MACC1: variants seen among roughly 807,000 people sequenced by gnomAD.
MACC1 encodes the protein MET transcriptional regulator MACC1, also known as metastasis-associated in colon cancer protein 1.
In MACC1, 79 loss-of-function variants were observed where a neutral mutation model predicts 70.7. The observed-to-expected ratio is 1.12, with a 90% confidence interval of 0.93 to 1.35. The LOEUF (loss-of-function observed/expected upper bound fraction) is 1.35, where lower values mean the gene tolerates loss of function less well. MACC1 is among the 40% of genes most tolerant of loss of function. MACC1 has a pLI of 0.00. For missense variants in MACC1, 1,106 were observed against 978.1 expected, an observed-to-expected ratio of 1.13 and a Z score of -1.74; for synonymous variants, 361 against 347.2, an observed-to-expected ratio of 1.04 and a Z score of -0.44.
intron 1 of MACC1, among the ~76,000 whole-genome samples, chr7:20,213,278 G>A (rs1419308829): frequency 2.6e-5 from 4 of 152,184 alleles, no homozygotes; most frequent in Non-Finnish European, 4.4e-5. Flanking sequence ...AAAAATAACA[G>A]ATGCTGGTGA....
At chr7:20,196,174 T>A (rs1239342400) in intron 1 of MACC1, among the ~76,000 whole-genome samples, 1 of 152,044 alleles carries the variant, frequency 6.6e-6, no homozygotes, top group Non-Finnish European at 1.5e-5. Context: ...ATTTTCAGGT[T>A]TTTTTTAAAT....
At chr7:20,173,511 A>C (rs556877781) in intron 1 of MACC1, among the ~76,000 whole-genome samples, 1 of 152,286 alleles carries the variant, frequency 6.6e-6, no homozygotes, top group East Asian at 1.9e-4. Context: ...TTTGAATTGT[A>C]AGATCTAGAT....
At chr7:20,209,623 C>G (rs1296855167) in intron 1 of MACC1, among the ~76,000 whole-genome samples, 2 of 152,152 alleles carry the variant, frequency 1.3e-5, no homozygotes, top group African/African-American at 2.4e-5. Flanking sequence ...CTTGCCTTGT[C>G]TTAGATGAGA....
In MACC1 at chr7:20,159,245, A is replaced by C; in HGVS notation, c.1116T>G (p.Ile372Met). The C allele has an allele frequency of 6.2e-7, 1 of 1,613,874 alleles. No homozygotes were observed. The highest frequency in any genetic ancestry group is 8.5e-7 in the Non-Finnish European group (1 of 1,179,962). The change falls in exon 5 of 7, where the codon ATT becomes ATG. Residue 372 changes from isoleucine (I) to methionine (M), a missense_variant. Ile to Met is a conservative substitution (Grantham distance 10, BLOSUM62 1). Transcript: ENST00000400331. The stretch of plus-strand genomic sequence containing the variant: ...GGATATATTTGGGTCCATAAATTCC[A>C]ATTGAGGTGGTTTTGTGGATATAAT... Reference protein sequence around the residue: ...IWDYIHKTTSIGIYGPKYIHP... With the variant: ...IWDYIHKTTSMGIYGPKYIHP...
At chr7:20,150,286 G>A (rs768213966) in intron 6 of MACC1, 15 of 152,040 alleles carry the variant, frequency 9.9e-5, no homozygotes, top group South Asian at 2.1e-4. Context: ...CAGAATAAGC[G>A]TTAAGTATAT....
At chr7:20,192,437 G>A (rs1286606239) in intron 1 of MACC1, among the ~76,000 whole-genome samples, 1 of 152,154 alleles carries the variant, frequency 6.6e-6, no homozygotes, top group South Asian at 2.1e-4. Flanking sequence ...AGATCGTCAC[G>A]CTGGAGAGAC....
intron 1 of MACC1, among the ~76,000 whole-genome samples, chr7:20,188,068 A>C (rs1782616084): frequency 6.6e-6 from 1 of 152,174 alleles, no homozygotes; most frequent in Non-Finnish European, 1.5e-5. Flanking sequence ...GCCGAGCAAA[A>C]AGGGGGAAAG....
At chr7:20,195,013 C>G (rs973861549) in intron 1 of MACC1, among the ~76,000 whole-genome samples, 1 of 151,982 alleles carries the variant, frequency 6.6e-6, no homozygotes, top group African/African-American at 2.4e-5. Flanking sequence ...ACACATTTTC[C>G]TTCATATAAA....
At chr7:20,171,180 G>A (rs1011992885) in intron 1 of MACC1, among the ~76,000 whole-genome samples, 1 of 151,920 alleles carries the variant, frequency 6.6e-6, no homozygotes, top group East Asian at 1.9e-4. Flanking sequence ...TGATTCAGCT[G>A]AACAAAAGTA....
At chr7:20,179,904 CTG>C (rs1468914432) in intron 1 of MACC1, among the ~76,000 whole-genome samples, 2 of 152,154 alleles carry the variant, frequency 1.3e-5, no homozygotes, top group African/African-American at 4.8e-5. Flanking sequence ...CCTTATCACA[CTG>C]TATTTCTGCT....
intron 1 of MACC1, among the ~76,000 whole-genome samples, chr7:20,194,031 T>G (rs1782712209): frequency 6.6e-6 from 1 of 152,190 alleles, no homozygotes; most frequent in Admixed American, 6.5e-5. Flanking sequence ...GGTTCTCTGA[T>G]CTGCGGTGAC....
chr7:20,201,816 G>C (rs972007977), intron 1 of MACC1, among the ~76,000 whole-genome samples: 1 of 152,162 alleles, frequency 6.6e-6, no homozygotes, highest in Admixed American at 6.5e-5. Context: ...GACCACCTTA[G>C]ATTCCATTTT....
chr7:20,181,105 TG>T (rs1782499703), intron 1 of MACC1, among the ~76,000 whole-genome samples: 1 of 151,954 alleles, frequency 6.6e-6, no homozygotes, highest in African/African-American at 2.4e-5. Context: ...TGTGTGTGTG[TG>T]TATAATTAAC....
chr7:20,136,488 A>G lies in MACC1; in HGVS notation c.*4458T>C, dbSNP rs1781719156. 1 of 152,190 alleles carries G rather than the reference A, an allele frequency of 6.6e-6. No homozygotes were observed. The highest frequency in any genetic ancestry group is 1.5e-5 in the Non-Finnish European group (1 of 68,030). The allele number at this position is 152,190 out of a possible 1,614,324, so 9.4% of individuals were successfully genotyped here. The stretch of plus-strand genomic sequence containing the variant: ...TAAAATATACATGCAAAAGATACAC[A>G]TTTCTACAATGTTCAGTGAAATCTT... On this transcript the variant is annotated 3_prime_UTR_variant, in exon 7 of 7. Transcript: ENST00000400331.
chr7:20,158,752 G>A lies in MACC1; in HGVS notation c.1609C>T (p.Leu537Phe). Residue 537 changes from leucine (L) to phenylalanine (F), a missense_variant, in exon 5 of 7, where the codon CTT (leucine) becomes TTT (phenylalanine). Transcript: ENST00000400331. ...TCTTGAAATGTAGGATATTTAACAA[G>A]AATTTTTGGTGATAAAGGAGCAGAC... ...IKSAPLSPKI[L>F]VKYPTFQDKT... 1 of 1,613,928 alleles carries A rather than the reference G, an allele frequency of 6.2e-7. No homozygotes were observed. The highest frequency in any genetic ancestry group is 8.5e-7 in the Non-Finnish European group (1 of 1,179,992).
intron 6 of MACC1, among the ~76,000 whole-genome samples, chr7:20,148,670 G>A (rs970976952): frequency 2.0e-5 from 3 of 152,072 alleles, no homozygotes; most frequent in Admixed American, 6.6e-5. Context: ...TGCTATCTTT[G>A]TTTTCTTTCC....
intron 6 of MACC1, among the ~76,000 whole-genome samples, chr7:20,150,128 C>A (rs879250736): frequency 6.6e-6 from 1 of 152,120 alleles, no homozygotes; most frequent in Admixed American, 6.6e-5. Flanking sequence ...GTCATCTAGT[C>A]CTATACTTTT....
At chr7:20,180,066 T>C (rs1164678047) in intron 1 of MACC1, among the ~76,000 whole-genome samples, 2 of 152,218 alleles carry the variant, frequency 1.3e-5, no homozygotes, top group Non-Finnish European at 1.5e-5. Flanking sequence ...TGCTAAATTT[T>C]TTAATTAAAA....
intron 1 of MACC1, among the ~76,000 whole-genome samples, chr7:20,172,797 T>C (rs1782328784): frequency 6.6e-6 from 1 of 152,222 alleles, no homozygotes; most frequent in Non-Finnish European, 1.5e-5. Flanking sequence ...CTCCCCTTTA[T>C]TTAATGCAGG....
Sources: gnomAD v4.1 joint callset for allele counts (sites outside exome capture counted in the v4.1 genomes callset) on GRCh38, gnomAD v4.1.1 for gene constraint, MANE v1.5 for transcripts, NCBI Gene and HGNC (gene_info 2026-07-23, HGNC 2026-07-21) for gene names.